The following FSTL5 variants were observed in gnomAD, a reference collection of about 807,000 sequenced individuals.
FSTL5 encodes follistatin-related protein 5.
In FSTL5, 62 loss-of-function variants were observed where a neutral mutation model predicts 89.1. That is an observed-to-expected ratio of 0.70 (90% CI 0.57 to 0.86). The LOEUF (loss-of-function observed/expected upper bound fraction) is 0.86. Ranked by LOEUF, FSTL5 falls within the 40% of genes least tolerant of loss-of-function variation. The pLI is 0.00. For missense variants in FSTL5, 1,057 were observed against 1,001.6 expected (o/e 1.06, Z -0.75); for synonymous variants, 383 against 346.2 (o/e 1.11, Z -1.18).
intron 7 of FSTL5, among the ~76,000 whole-genome samples, chr4:161,609,700 A>G (rs1423169623): frequency 1.3e-5 from 2 of 152,082 alleles, no homozygotes; most frequent in East Asian, 1.9e-4. Flanking sequence ...AGATTCATGG[A>G]TCAGAGACAA....
At chr4:161,597,058 G>T (rs1055022521) in intron 7 of FSTL5, among the ~76,000 whole-genome samples, 2 of 151,980 alleles carry the variant, frequency 1.3e-5, no homozygotes, top group Non-Finnish European at 2.9e-5. Flanking sequence ...GTCAATTTTG[G>T]CTTTTGTTGC....
chr4:161,784,377 T>G (rs1455241185), intron 4 of FSTL5, among the ~76,000 whole-genome samples: 2 of 152,100 alleles, frequency 1.3e-5, no homozygotes, highest in Non-Finnish European at 2.9e-5. Flanking sequence ...AAATATATAT[T>G]TTTATTTTTT....
intron 6 of FSTL5, among the ~76,000 whole-genome samples, chr4:161,738,996 A>G (rs988405260): frequency 1.3e-5 from 2 of 152,218 alleles, no homozygotes; most frequent in African/African-American, 4.8e-5. Flanking sequence ...GTTGTAAAGG[A>G]AAACTCCAAC....
chr4:161,617,605 A>C (rs1409173645), intron 7 of FSTL5, among the ~76,000 whole-genome samples: 2 of 152,184 alleles, frequency 1.3e-5, no homozygotes, highest in Non-Finnish European at 2.9e-5. Flanking sequence ...ATGAAGAGAA[A>C]ATATTTAAAA....
chr4:161,722,017 T>A (rs1485786522), intron 6 of FSTL5, among the ~76,000 whole-genome samples: 1 of 152,178 alleles, frequency 6.6e-6, no homozygotes, highest in African/African-American at 2.4e-5. Context: ...CATCTTCTTA[T>A]ACATAATATG....
chr4:161,682,544 A>C (rs538208712), intron 6 of FSTL5, among the ~76,000 whole-genome samples: 94 of 152,232 alleles, frequency 6.2e-4, no homozygotes, highest in African/African-American at 2.1e-3. Flanking sequence ...TTTTTGTTAA[A>C]AAAGAAGAAA....
chr4:161,599,114 C>T (rs970656538), intron 7 of FSTL5, among the ~76,000 whole-genome samples: 2 of 151,942 alleles, frequency 1.3e-5, no homozygotes, highest in African/African-American at 4.8e-5. Context: ...AAACAAAAGA[C>T]TAACAATTCA....
intron 6 of FSTL5, among the ~76,000 whole-genome samples, chr4:161,711,549 T>C (rs1201109621): frequency 3.3e-5 from 5 of 152,136 alleles, no homozygotes; most frequent in African/African-American, 9.6e-5. Flanking sequence ...CAGGATCAGA[T>C]GTTTTTACTA....
chr4:161,760,882 A>G (rs1190119401), intron 5 of FSTL5, among the ~76,000 whole-genome samples: 1 of 152,176 alleles, frequency 6.6e-6, no homozygotes, highest in Non-Finnish European at 1.5e-5. Context: ...CCTGTGTTGA[A>G]CGTTTCATGA....
At chr4:161,950,231 A>G (rs867166396) in intron 3 of FSTL5, among the ~76,000 whole-genome samples, 10 of 152,234 alleles carry the variant, frequency 6.6e-5, no homozygotes, top group Middle Eastern at 3.4e-3. Flanking sequence ...TTTTTGCTTT[A>G]CAGCACAGCT....
At chr4:161,393,587 A>G (rs1372315330) in intron 15 of FSTL5, among the ~76,000 whole-genome samples, 3 of 152,090 alleles carry the variant, frequency 2.0e-5, no homozygotes, top group Non-Finnish European at 4.4e-5. Flanking sequence ...GAGAGTTTAT[A>G]TTGGTCTAGA....
chr4:161,882,771 T>A (rs1027221792), intron 4 of FSTL5, among the ~76,000 whole-genome samples: 1 of 152,104 alleles, frequency 6.6e-6, no homozygotes. Flanking sequence ...TACAGTGGAA[T>A]AATTATTTTA....
At chr4:161,548,465 T>C (rs1732081422) in intron 8 of FSTL5, among the ~76,000 whole-genome samples, 1 of 151,882 alleles carries the variant, frequency 6.6e-6, no homozygotes, top group Non-Finnish European at 1.5e-5. Context: ...TTGAAGTGTT[T>C]AGGGGAGTAT....
intron 6 of FSTL5, among the ~76,000 whole-genome samples, chr4:161,695,809 A>AT (rs546230882): frequency 2.7e-5 from 4 of 150,916 alleles, no homozygotes; most frequent in Non-Finnish European, 4.4e-5. Flanking sequence ...TTTCGATGGG[A>AT]TTTTTTTTCT....
chr4:161,741,003 C>G (rs949135747), intron 6 of FSTL5, among the ~76,000 whole-genome samples: 2 of 152,164 alleles, frequency 1.3e-5, no homozygotes, highest in African/African-American at 4.8e-5. Context: ...AAAAAGGGCA[C>G]TAATCCCATT....
At chr4:161,876,960 G>A (rs1025778569) in intron 4 of FSTL5, among the ~76,000 whole-genome samples, 1 of 151,842 alleles carries the variant, frequency 6.6e-6, no homozygotes, top group African/African-American at 2.4e-5. Flanking sequence ...CGAGACAGGC[G>A]GATCACCAGA....
At chr4:161,811,394 C>T (rs766441445) in intron 4 of FSTL5, among the ~76,000 whole-genome samples, 17 of 151,888 alleles carry the variant, frequency 1.1e-4, no homozygotes, top group Admixed American at 4.6e-4. Flanking sequence ...ATGTAGATGC[C>T]GAGCATTTGA....
intron 15 of FSTL5, among the ~76,000 whole-genome samples, chr4:161,443,268 C>T (rs1235754918): frequency 4.6e-5 from 7 of 151,958 alleles, no homozygotes; most frequent in Admixed American, 4.6e-4. Context: ...ATGTCAAGCG[C>T]TCTCCTTCAT....
chr4:161,729,152 C>T (rs1317729246), intron 6 of FSTL5, among the ~76,000 whole-genome samples: 1 of 152,304 alleles, frequency 6.6e-6, no homozygotes, highest in East Asian at 1.9e-4. Context: ...GTTTTACTTT[C>T]AGTAACACTG....
Sources: allele counts gnomAD v4.1 joint callset (sites outside exome capture counted in the v4.1 genomes callset), GRCh38; gene constraint gnomAD v4.1.1; transcripts MANE v1.5; gene names NCBI Gene and HGNC (gene_info 2026-07-23, HGNC 2026-07-21).